ANO3: variants seen among roughly 807,000 people sequenced by gnomAD.
ANO3 encodes the protein anoctamin-3.
In ANO3, 99 loss-of-function variants were observed where a neutral mutation model predicts 144.8. The ratio of observed to expected loss-of-function variants is 0.68; its 90% confidence interval spans 0.58 to 0.81. The LOEUF (loss-of-function observed/expected upper bound fraction) is 0.81. ANO3 is among the 30% of genes least tolerant of loss of function. The pLI is 0.00. For missense variants in ANO3, 905 were observed against 1,202.2 expected (o/e 0.75, Z 3.66); for synonymous variants, 414 against 392.6 (o/e 1.05, Z -0.64).
chr11:26,329,739 G>A (rs927480444), upstream of ANO3, among the ~76,000 whole-genome samples: 1 of 152,156 alleles, frequency 6.6e-6, no homozygotes, highest in South Asian at 2.1e-4. Context: ...AGAAAATCAG[G>A]GATCAACAGA....
chr11:26,476,903 ATGTG>A (rs61676196), intron 4 of ANO3, among the ~76,000 whole-genome samples: 1,983 of 141,446 alleles, frequency 0.014, 37 homozygotes, highest in African/African-American at 0.043. Flanking sequence ...GTGTGTGTGT[ATGTG>A]TGTGTGTGTG....
intron 17 of ANO3, among the ~76,000 whole-genome samples, chr11:26,623,508 G>A (rs1015337267): frequency 6.6e-6 from 1 of 151,938 alleles, no homozygotes; most frequent in Non-Finnish European, 1.5e-5. Context: ...TGTAAATATT[G>A]GTCAGAGTAT....
At chr11:26,520,280 C>T (rs1272346892) in intron 6 of ANO3, among the ~76,000 whole-genome samples, 1 of 151,928 alleles carries the variant, frequency 6.6e-6, no homozygotes, top group Non-Finnish European at 1.5e-5. Flanking sequence ...TTTCTTGACT[C>T]AGATCATTTT....
intron 1 of ANO3, among the ~76,000 whole-genome samples, chr11:26,422,015 G>A (rs1020400757): frequency 2.0e-5 from 3 of 151,918 alleles, no homozygotes; most frequent in African/African-American, 7.2e-5. Flanking sequence ...TTAATAGCTG[G>A]GTGATGAAGT....
At chr11:26,362,378 G>A (rs941475819) in intron 1 of ANO3, among the ~76,000 whole-genome samples, 6 of 152,068 alleles carry the variant, frequency 3.9e-5, no homozygotes, top group Admixed American at 1.3e-4. Context: ...AAGTAAGTTC[G>A]GATTGTTCTT....
At chr11:26,480,416 T>G (rs1403262651) in intron 4 of ANO3, among the ~76,000 whole-genome samples, 1 of 152,162 alleles carries the variant, frequency 6.6e-6, no homozygotes, top group Non-Finnish European at 1.5e-5. Flanking sequence ...CCAGTTTTTT[T>G]TGTTTGTTTG....
At position 26,202,707 on chromosome 11, in the gene ANO3, G is replaced by A. The variant is rs570270902; in HGVS notation, c.154+13377G>A. Among the ~76,000 whole-genome samples the A allele has an allele frequency of 2.0e-5, 3 of 151,672 alleles. No homozygotes were observed. In the South Asian group the frequency reaches 6.2e-4, roughly 32 times the overall value. On this transcript the variant is annotated intron_variant, in intron 1 of 27. Transcript: ENST00000672621. The stretch of plus-strand genomic sequence containing the variant: ...CATGGTCAACCACACGAAGGCATGA[G>A]AAAGCAACACACAGTTGAGGAAAAA...
intron 4 of ANO3, among the ~76,000 whole-genome samples, chr11:26,478,195 C>G (rs919672378): frequency 6.6e-6 from 1 of 152,104 alleles, no homozygotes; most frequent in Non-Finnish European, 1.5e-5. Flanking sequence ...CAGATCTATT[C>G]TATATGCTCT....
At chr11:26,507,876 T>C (rs1490675356) in intron 4 of ANO3, among the ~76,000 whole-genome samples, 1 of 152,224 alleles carries the variant, frequency 6.6e-6, no homozygotes, top group African/African-American at 2.4e-5. Flanking sequence ...AGAGAACCCA[T>C]GTTCAGATAT....
At chr11:26,492,179 G>A (rs1422347961) in intron 4 of ANO3, among the ~76,000 whole-genome samples, 1 of 152,170 alleles carries the variant, frequency 6.6e-6, no homozygotes, top group Non-Finnish European at 1.5e-5. Flanking sequence ...TGAAGCATTA[G>A]GATGAAGGAG....
intron 1 of ANO3, among the ~76,000 whole-genome samples, chr11:26,278,219 G>T (rs1853600207): frequency 6.6e-6 from 1 of 152,048 alleles, no homozygotes; most frequent in Admixed American, 6.6e-5. Flanking sequence ...TCTGGCATTG[G>T]CAATTAACTC....
chr11:26,393,214 T>C (rs760346098), intron 1 of ANO3, among the ~76,000 whole-genome samples: 7 of 152,128 alleles, frequency 4.6e-5, no homozygotes, highest in Non-Finnish European at 1.0e-4. Flanking sequence ...TTTTATGCCT[T>C]TGTGAATCTC....
chr11:26,441,106 G>GTTTTTTTTTTT (rs1022676698), intron 1 of ANO3, among the ~76,000 whole-genome samples: 8 of 86,552 alleles, frequency 9.2e-5, no homozygotes, highest in African/African-American at 2.0e-4. Context: ...TTGCTGCCCA[G>GTTTTTTTTTTT]TTTTTTTTTT....
chr11:26,535,368 T>C (rs1849479124), intron 9 of ANO3, among the ~76,000 whole-genome samples: 1 of 152,152 alleles, frequency 6.6e-6, no homozygotes, highest in Non-Finnish European at 1.5e-5. Flanking sequence ...TACATAGAGC[T>C]GAGCAGAAAG....
chr11:26,274,047 G>GA (rs57981164), intron 1 of ANO3, among the ~76,000 whole-genome samples: 21,349 of 150,652 alleles, frequency 0.14, 1,709 homozygotes, highest in African/African-American at 0.22. Flanking sequence ...ACAAAGGGAA[G>GA]AAAAAAATAG....
At chr11:26,576,389 T>G (rs1850987225) in intron 14 of ANO3, among the ~76,000 whole-genome samples, 1 of 152,170 alleles carries the variant, frequency 6.6e-6, no homozygotes, top group Admixed American at 6.5e-5. Flanking sequence ...ATAATTTTTT[T>G]GGAGATGATA....
chr11:26,302,507 T>G (rs1854259398), intron 1 of ANO3, among the ~76,000 whole-genome samples: 1 of 151,930 alleles, frequency 6.6e-6, no homozygotes, highest in South Asian at 2.1e-4. Context: ...ATAATAATGA[T>G]AATAAAAAGG....
rs182358958 is a variant in ANO3, at chr11:26,267,579, C to T, written c.155-42066C>T. 1.2e-4 allele frequency among the ~76,000 whole-genome samples: 19 copies of T among 152,298 alleles called. 1 individual carries two copies. The East Asian group carries it at 2.7e-3, about 22-fold the overall frequency. On this transcript the variant is annotated intron_variant, in intron 1 of 27. Transcript: ENST00000672621. ...TTTATCAGTGACTTTAAAAATATCACTATCAGCTAAGAGAGTGTGAAACAT... is the reference window on the plus strand; with the variant it reads ...TTTATCAGTGACTTTAAAAATATCATTATCAGCTAAGAGAGTGTGAAACAT...
chr11:26,520,752 A>T (rs1862041181), intron 6 of ANO3, among the ~76,000 whole-genome samples: 1 of 152,158 alleles, frequency 6.6e-6, no homozygotes, highest in Admixed American at 6.5e-5. Flanking sequence ...GATTTCTGGA[A>T]CCTGCTCCCA....
Sources: allele counts gnomAD v4.1 joint callset (sites outside exome capture counted in the v4.1 genomes callset), GRCh38; gene constraint gnomAD v4.1.1; transcripts MANE v1.5; gene names NCBI Gene and HGNC (gene_info 2026-07-23, HGNC 2026-07-21).